The following DPP7 variants were observed in gnomAD, a reference collection of about 807,000 sequenced individuals.
The protein encoded by DPP7 is dipeptidyl peptidase 7, also known as dipeptidyl peptidase 2.
DPP7 carries 74 observed loss-of-function variants against 58.8 expected under a neutral mutation model. The observed-to-expected ratio is 1.26, with a 90% CI of 1.04 to 1.53. The LOEUF is 1.53. Ranked by LOEUF, DPP7 falls within the 40% of genes most tolerant of loss-of-function variation. The pLI is 0.00. For missense variants in DPP7, 807 were observed against 692.3 expected, an observed-to-expected ratio of 1.17 and a Z score of -1.86; for synonymous variants, 350 against 303.6, an observed-to-expected ratio of 1.15 and a Z score of -1.59.
upstream of DPP7, among the ~76,000 whole-genome samples, chr9:137,118,115 G>A (rs984166563): frequency 1.3e-5 from 2 of 151,918 alleles, no homozygotes; most frequent in Non-Finnish European, 2.9e-5. Context: ...AGCCTCCGGA[G>A]TAGCTGAGAT....
rs1340648166 is a variant in DPP7 at position 137,112,188 on chromosome 9, A to G, written c.974T>C (p.Ile325Thr). 1.2e-6 allele frequency: 2 copies of G among 1,606,608 alleles called. No homozygotes were observed. The highest frequency in any genetic ancestry group is 3.3e-5 in the Admixed American group (2 of 59,962). ...AGCACAGCTGTGGTAGAGCCGGTAGATGTCGTAGCAGTGCTCGGAGCCCGA... is the reference window on the plus strand; with the variant it reads ...AGCACAGCTGTGGTAGAGCCGGTAGGTGTCGTAGCAGTGCTCGGAGCCCGA... ...NASGSEHCYD[I>T]YRLYHSCADP... The change falls in exon 9 of 13, where the codon ATC becomes ACC. Residue 325 changes from isoleucine to threonine, a missense_variant. By Grantham distance (89) the Ile-to-Thr change is moderately conservative (BLOSUM62 -1). Around this residue, in one of 3 missense-constraint regions of DPP7, gnomAD observed 624 missense variants for 531.2 expected, o/e 1.17. Transcript: ENST00000371579.
At chr9:137,112,572 G>T in intron 8 of DPP7, 173 bp downstream of exon 8, 1 of 830,504 alleles carries the variant, frequency 1.2e-6, no homozygotes, top group Non-Finnish European at 1.8e-6. Flanking sequence ...CCCAGGGACG[G>T]CCCCTGCCTC....
intron 11 of DPP7, 144 bp from the exon 12 acceptor site, chr9:137,111,094 G>T: frequency 1.2e-6 from 1 of 845,738 alleles, no homozygotes; most frequent in Non-Finnish European, 1.9e-6. Context: ...AGAGACGGAG[G>T]TGGGAAGTGA....
chr9:137,115,122 T>A (rs1439531065), upstream of DPP7: 3 of 166,240 alleles, frequency 1.8e-5, no homozygotes, highest in Non-Finnish European at 1.3e-5. Context: ...AGGGAGAGGG[T>A]CCCAAACAGA....
rs1564326751 is a variant in DPP7, at chr9:137,114,645, A to AC, written c.67+1dup. On this transcript the variant is annotated splice_donor_variant, in intron 1 of 12. Transcript: ENST00000371579. LOFTEE classifies it high-confidence loss of function. ...AATGGGCCGGGGGGCGCCGCCACTC[A>AC]CCCCCCGCCTGGAGGCCGCGCAGCC... 4.5e-5 allele frequency: 62 copies of AC among 1,375,054 alleles called. No individual in the cohort carries two copies. Among genetic ancestry groups the AC allele is most frequent in the Middle Eastern group, 2.7e-4 (1 of 3,726 alleles). The allele number at this position is 1,375,054 out of a possible 1,614,324, so 85.2% of individuals were successfully genotyped here.
upstream of DPP7, among the ~76,000 whole-genome samples, chr9:137,118,078 C>T (rs1201413993): frequency 6.6e-5 from 10 of 152,176 alleles, no homozygotes; most frequent in East Asian, 1.9e-3. Flanking sequence ...ACTTCCGCCT[C>T]CTGGGTCCAG....
At chr9:137,114,920 A>G, upstream of DPP7, 1 of 347,904 alleles carries the variant, frequency 2.9e-6, no homozygotes, top group Non-Finnish European at 5.1e-6. Context: ...GCGGGGAAGC[A>G]GAGGGCCCCC....
rs779962533 is a variant in DPP7, at chr9:137,113,913, C to G, written c.437G>C (p.Arg146Pro). The part of the protein sequence containing the change: ...ADFAELLRAL[R>P]RDLGAQDAPA... ...GGCATCCTGGGCCCCGAGGTCGCGT[C>G]GTAGCGCGCGGAGCAGCTCTGCGAA... is the stretch of plus-strand genomic sequence containing the variant. Residue 146 changes from arginine (R) to proline (P), a missense_variant, in exon 4 of 13, where the codon CGA becomes CCA. By Grantham distance (103) the Arg-to-Pro change is moderately radical. This residue lies in a region of DPP7 where 624 missense variants were observed against 531.2 expected (regional missense o/e 1.17). Transcript: ENST00000371579. 3.2e-6 allele frequency: 5 copies of G among 1,575,384 alleles called. No individual in the cohort carries two copies. The highest frequency in any genetic ancestry group is 4.3e-6 in the Non-Finnish European group (5 of 1,166,704).
intron 11 of DPP7, among the ~76,000 whole-genome samples, chr9:137,111,430 C>A (rs998405545): frequency 2.6e-5 from 4 of 152,220 alleles, no homozygotes; most frequent in Admixed American, 6.5e-5. Flanking sequence ...CGGGGAAGAT[C>A]GTTTGAGCCC....
chr9:137,114,052 C>T lies in DPP7; in HGVS notation c.322-24G>A, dbSNP rs566170072. On this transcript the variant is annotated intron_variant, in intron 3 of 12. Transcript: ENST00000371579. ...CGCTGGGGGAACGTGCCATTGAGCC[C>T]GGCCCCGCGACCCCGCCCGGCACCC... The T allele has an allele frequency of 1.2e-5, 16 of 1,321,036 alleles. No individual in the cohort carries two copies. In the African/African-American group the frequency reaches 2.1e-4, roughly 17 times the overall value. The allele number at this position is 1,321,036 out of a possible 1,614,324, so 81.8% of individuals were successfully genotyped here.
At chr9:137,117,512 G>A (rs1831661831), upstream of DPP7, among the ~76,000 whole-genome samples, 1 of 152,240 alleles carries the variant, frequency 6.6e-6, no homozygotes, top group Admixed American at 6.5e-5. Flanking sequence ...AGGCTGCTGA[G>A]CCCAAACCCT....
upstream of DPP7, among the ~76,000 whole-genome samples, chr9:137,115,455 G>A (rs1156339125): frequency 1.3e-5 from 2 of 152,146 alleles, no homozygotes. Context: ...TGGGTGAGGG[G>A]GCCGTAGTGG....
In DPP7 at chr9:137,113,387, T is replaced by G; in HGVS notation, c.595A>C (p.Asn199His). Residue 199 changes from asparagine to histidine, a missense_variant, in exon 5 of 13, where the codon AAC becomes CAC. Coordinates refer to ENST00000371579, the MANE Select transcript of DPP7 (RefSeq NM_013379.3). The part of the protein sequence containing the change: ...VLAVAGLGDS[N>H]QFFRDVTADF... ...GCCGTGACGTCCCGGAAGAACTGGT[T>G]GGAGTCGCCGAGGCCTGCCACAGCT... 1 of 1,610,370 alleles carries G rather than the reference T, an allele frequency of 6.2e-7. No homozygotes were observed. The highest frequency in any genetic ancestry group is 1.1e-5 in the South Asian group (1 of 91,004).
intron 4 of DPP7, 110 bp from the exon 5 acceptor site, chr9:137,113,606 A>G (rs770676173): frequency 1.6e-5 from 23 of 1,444,368 alleles, no homozygotes; most frequent in Non-Finnish European, 2.1e-5. Flanking sequence ...TGAGACCCAC[A>G]AATTCCAACC....
At chr9:137,112,542 C>T (rs1285547713) in intron 8 of DPP7, 2 of 707,150 alleles carry the variant, frequency 2.8e-6, no homozygotes, top group Non-Finnish European at 4.6e-6. Context: ...GGCCTGGCTA[C>T]AGCCAGTGCT....
chr9:137,113,477 C>A lies in DPP7; in HGVS notation c.505G>T (p.Ala169Ser). The A allele has an allele frequency of 6.3e-7, 1 of 1,585,174 alleles. No individual in the cohort carries two copies. The highest frequency in any genetic ancestry group is 8.6e-7 in the Non-Finnish European group (1 of 1,163,952). Residue 169 changes from alanine to serine, a missense_variant, in exon 5 of 13, where the codon GCC becomes TCC. By Grantham distance (99) the Ala-to-Ser change is moderately conservative. Coordinates refer to ENST00000371579, the MANE Select transcript of DPP7 (RefSeq NM_013379.3). ...TGGGGATACTTCATCCTCAGGTAGGCACTGAGCATCCCCCCATAACTGGGT... is the reference window on the plus strand; with the variant it reads ...TGGGGATACTTCATCCTCAGGTAGGAACTGAGCATCCCCCCATAACTGGGT... ...FGGSYGGMLS[A>S]YLRMKYPHLV...
At chr9:137,114,165 CCCCGCGACCCCCG>C (rs1462737885) in intron 3 of DPP7, 65 bp downstream of exon 3, 6 of 437,782 alleles carry the variant, frequency 1.4e-5, no homozygotes, top group Admixed American at 1.3e-4. Flanking sequence ...CACCCGCGTG[CCCCGCGACCCCCG>C]CCCGCGACCC....
Position 137,112,154 on chromosome 9 carries a change from A to G in DPP7, c.1008T>C (p.Thr336=). Residue 336 remains threonine (T), a synonymous_variant, in exon 9 of 13, where the codon ACT becomes ACC. Transcript: ENST00000371579. ...YRLYHSCADP[T]GCGTGPDARA... Reference sequence around the variant, plus strand: ...TGGCGTCGGGGCCGGTGCCGCAGCCAGTGGGGTCAGCACAGCTGTGGTAGA... The same window carrying G: ...TGGCGTCGGGGCCGGTGCCGCAGCCGGTGGGGTCAGCACAGCTGTGGTAGA... 3.7e-6 allele frequency: 6 copies of G among 1,609,866 alleles called. No homozygotes were observed. Among genetic ancestry groups the G allele is most frequent in the Non-Finnish European group, 5.1e-6 (6 of 1,179,644 alleles).
rs1831512308 is a variant in DPP7 at position 137,114,030 on chromosome 9, T to TG, written c.322-3dup. 6.9e-7 allele frequency: 1 copy of TG among 1,453,048 alleles called. No homozygotes were observed. The highest frequency in any genetic ancestry group is 2.0e-5 in the Admixed American group (1 of 49,990). 90.0% of individuals were successfully genotyped at this position (1,453,048 alleles called of 1,614,324 possible). On this transcript the variant is annotated splice_region_variant and splice_polypyrimidine_tract_variant and intron_variant, in intron 3 of 12. Coordinates refer to ENST00000371579, the MANE Select transcript of DPP7 (RefSeq NM_013379.3). Reference sequence around the variant, plus strand: ...CGGCAGCGACTTCCCGTAGTAGCGCTGGGGGAACGTGCCATTGAGCCCGGC... The same window carrying TG: ...CGGCAGCGACTTCCCGTAGTAGCGCTGGGGGGAACGTGCCATTGAGCCCGGC...
Sources: gnomAD v4.1 joint callset for allele counts (sites outside exome capture counted in the v4.1 genomes callset) on GRCh38, gnomAD v4.1.1 for gene constraint, gnomAD v4.1.1 regional missense constraint, MANE v1.5 for transcripts, NCBI Gene and HGNC (gene_info 2026-07-23, HGNC 2026-07-21) for gene names.